The following PFKFB3 variants were observed in gnomAD, a reference collection of about 807,000 sequenced individuals.
PFKFB3 encodes 6-phosphofructo-2-kinase/fructose-2,6-biphosphatase 3.
Under a neutral mutation model 68.0 loss-of-function variants are expected in PFKFB3, and 33 were observed. That is an observed-to-expected ratio of 0.49 (90% CI 0.37 to 0.65). PFKFB3 has a LOEUF of 0.65. Ranked by LOEUF, PFKFB3 falls within the 30% of genes least tolerant of loss-of-function variation. The pLI, the probability that PFKFB3 is intolerant of heterozygous loss-of-function variation, is 0.00. For synonymous variants in PFKFB3, 315 were observed against 288.2 expected (o/e 1.09, Z -0.94); for missense variants, 586 against 712.2 (o/e 0.82, Z 2.02).
chr10:6,293,952 T>C, the PFKFB3 span: 1 of 502,374 alleles, frequency 2.0e-6, no homozygotes, highest in South Asian at 1.5e-5. Context: ...CCTTATGGCT[T>C]CACGAATTTT....
chr10:6,272,704 A>C, the PFKFB3 span, among the ~76,000 whole-genome samples: 1 of 152,062 alleles, frequency 6.6e-6, no homozygotes, highest in Non-Finnish European at 1.5e-5. Context: ...CAAAAAAAAG[A>C]AAAAAGAAAT....
chr10:6,230,373 C>T (rs1447381418), intron 14 of PFKFB3, among the ~76,000 whole-genome samples: 1 of 152,186 alleles, frequency 6.6e-6, no homozygotes, highest in South Asian at 2.1e-4. Flanking sequence ...TCTACTCCTC[C>T]TGGCCTCTAT....
chr10:6,271,275 C>T, the PFKFB3 span, among the ~76,000 whole-genome samples: 22 of 152,322 alleles, frequency 1.4e-4, no homozygotes, highest in African/African-American at 4.8e-4. Context: ...AAGGTAAGGA[C>T]GAGAACCGAA....
chr10:6,288,035 G>A, the PFKFB3 span, among the ~76,000 whole-genome samples: 2 of 151,956 alleles, frequency 1.3e-5, no homozygotes, highest in Non-Finnish European at 2.9e-5. Flanking sequence ...TAATTTCACT[G>A]GGTACAATAC....
rs202098028 is a variant in PFKFB3 at position 6,203,914 on chromosome 10, CCTT to C, written c.76+581_76+583del. Among the ~76,000 whole-genome samples the C allele has an allele frequency of 7.5e-3, 1,135 of 152,346 alleles. 19 individuals carry two copies. The East Asian group carries it at 0.078, about 11-fold the overall frequency. On this transcript the variant is annotated intron_variant, in intron 1 of 14. Coordinates refer to ENST00000379775, the MANE Select transcript of PFKFB3 (RefSeq NM_004566.4). ...TTTCTGCTTTTATCTCTTTCTCTCTCCTTCTCTCTCTTCCGTGCATCTCCAGTG... is the reference window on the plus strand; with the variant it reads ...TTTCTGCTTTTATCTCTTTCTCTCTCCTCTCTCTTCCGTGCATCTCCAGTG...
At chr10:6,193,029 T>C (rs1014656554) in intron 1 of PFKFB3, among the ~76,000 whole-genome samples, 1 of 152,164 alleles carries the variant, frequency 6.6e-6, no homozygotes, top group African/African-American at 2.4e-5. Flanking sequence ...CAGCTTCTTA[T>C]GTGAGCCAGT....
intron 14 of PFKFB3, among the ~76,000 whole-genome samples, chr10:6,246,886 A>G (rs1846274388): frequency 6.6e-6 from 1 of 152,098 alleles, no homozygotes; most frequent in African/African-American, 2.4e-5. Flanking sequence ...CGCTGGAGAA[A>G]AATGTCCATT....
the PFKFB3 span, among the ~76,000 whole-genome samples, chr10:6,303,921 G>C: frequency 6.6e-6 from 1 of 151,952 alleles, no homozygotes; most frequent in Non-Finnish European, 1.5e-5. Context: ...AAGCTTCTAC[G>C]ACATGGATGC....
intron 1 of PFKFB3, among the ~76,000 whole-genome samples, chr10:6,174,958 C>A (rs951793936): frequency 6.6e-6 from 1 of 151,986 alleles, no homozygotes; most frequent in East Asian, 1.9e-4. Flanking sequence ...TGAGATTACA[C>A]CTGCCTGCCA....
the PFKFB3 span, among the ~76,000 whole-genome samples, chr10:6,262,967 C>T: frequency 9.2e-5 from 14 of 152,182 alleles, no homozygotes; most frequent in South Asian, 2.3e-3. Flanking sequence ...GCTGGCCTGC[C>T]GAGACCACCT....
chr10:6,305,053 C>T, the PFKFB3 span, among the ~76,000 whole-genome samples: 4,790 of 88,596 alleles, frequency 0.054, 327 homozygotes, highest in East Asian at 0.4. Flanking sequence ...ACATCTCACT[C>T]ATCTCACTAT....
At chr10:6,304,918 G>A in the PFKFB3 span, among the ~76,000 whole-genome samples, 15 of 130,322 alleles carry the variant, frequency 1.2e-4, no homozygotes, top group Middle Eastern at 4.8e-3. Flanking sequence ...CTGAGCTCAA[G>A]CTATCCTCCT....
the PFKFB3 span, among the ~76,000 whole-genome samples, chr10:6,268,689 T>C: frequency 6.6e-6 from 1 of 151,356 alleles, no homozygotes; most frequent in Non-Finnish European, 1.5e-5. Flanking sequence ...TAACTTTTTT[T>C]TTTGTACTGG....
At chr10:6,295,994 T>TA in the PFKFB3 span, among the ~76,000 whole-genome samples, 1 of 152,246 alleles carries the variant, frequency 6.6e-6, no homozygotes, top group South Asian at 2.1e-4. Context: ...CTACAACAGA[T>TA]ATTGGCTCCA....
the PFKFB3 span, among the ~76,000 whole-genome samples, chr10:6,260,274 A>G: frequency 0.89 from 134,602 of 151,884 alleles, 61,151 homozygotes; most frequent in Non-Finnish European, 0.99. Flanking sequence ...TTAGCTGGGC[A>G]TGGCGGCGGG....
chr10:6,202,945 A>T lies in PFKFB3; in HGVS notation c.-316A>T. On this transcript the variant is annotated 5_prime_UTR_variant, in exon 1 of 15. Transcript: ENST00000379775. Reference sequence around the variant, plus strand: ...GCGGGGCATCCCAGCCAAGCCGGAGAGGAGGCGAGCAGCAGGGCCTGGTGG... The same window carrying T: ...GCGGGGCATCCCAGCCAAGCCGGAGTGGAGGCGAGCAGCAGGGCCTGGTGG... 8.0e-7 allele frequency: 1 copy of T among 1,245,264 alleles called. No individual in the cohort carries two copies. Among genetic ancestry groups the T allele is most frequent in the South Asian group, 2.0e-5 (1 of 49,374 alleles). The allele number at this position is 1,245,264 out of a possible 1,614,324, so 77.1% of individuals were successfully genotyped here.
the PFKFB3 span, among the ~76,000 whole-genome samples, chr10:6,303,953 C>G: frequency 4.8e-4 from 73 of 152,106 alleles, no homozygotes; most frequent in Non-Finnish European, 9.6e-4. Flanking sequence ...TCACCTGTGG[C>G]TGGCTGGACC....
Position 6,222,861 on chromosome 10 carries a change from C to A in PFKFB3, c.1090C>A (p.Gln364Lys). The A allele has an allele frequency of 6.2e-7, 1 of 1,613,322 alleles. No individual in the cohort carries two copies. The change falls in exon 11 of 15, where the codon CAG (glutamine) becomes AAG (lysine). Residue 364 changes from glutamine to lysine, a missense_variant. Physicochemically the swap from Gln to Lys is moderately conservative, Grantham distance 53. Coordinates refer to ENST00000379775, the MANE Select transcript of PFKFB3 (RefSeq NM_004566.4). The part of the protein sequence containing the change: ...YYRYPTGESY[Q>K]DLVQRLEPVI... Reference sequence around the variant, plus strand: ...CCCGGCCCTCTGTGCTCAGTCCTACCAGGACCTGGTCCAGCGCTTGGAGCC... The same window carrying A: ...CCCGGCCCTCTGTGCTCAGTCCTACAAGGACCTGGTCCAGCGCTTGGAGCC...
At chr10:6,217,424 C>T (rs1053158570) in intron 6 of PFKFB3, among the ~76,000 whole-genome samples, 6 of 152,154 alleles carry the variant, frequency 3.9e-5, no homozygotes, top group African/African-American at 1.4e-4. Flanking sequence ...TTGGATGGGA[C>T]GTAGGAAATA....
Sources: gnomAD v4.1 joint callset for allele counts (sites outside exome capture counted in the v4.1 genomes callset) on GRCh38, gnomAD v4.1.1 for gene constraint, MANE v1.5 for transcripts, NCBI Gene and HGNC (gene_info 2026-07-23, HGNC 2026-07-21) for gene names.